The following TCF25 variants were observed in gnomAD, a reference collection of about 807,000 sequenced individuals.
The protein encoded by TCF25 is ribosome quality control complex subunit TCF25.
A neutral mutation model predicts 83.1 loss-of-function variants in TCF25; 41 were observed. That is an observed-to-expected ratio of 0.49 (90% CI 0.38 to 0.64). The LOEUF (loss-of-function observed/expected upper bound fraction) is 0.64. Ranked by LOEUF, TCF25 falls within the 30% of genes least tolerant of loss-of-function variation. The pLI is 0.00. For synonymous variants in TCF25, 458 were observed against 365.0 expected (o/e 1.25, Z -2.90); for missense variants, 979 against 914.5 (o/e 1.07, Z -0.91).
intron 2 of TCF25, chr16:89,883,816 G>A (rs980150597): frequency 1.7e-5 from 5 of 292,562 alleles, no homozygotes; most frequent in African/African-American, 9.2e-5. Context: ...GACCGCGCAC[G>A]TGTGTGCCTC....
At position 89,883,558 on chromosome 16, in the gene TCF25, C is replaced by T. The variant is rs1301218540; in HGVS notation, c.354+46C>T. 1.3e-6 allele frequency: 2 copies of T among 1,542,142 alleles called. 1 individual carries two copies. On this transcript the variant is annotated intron_variant, in intron 2 of 17. Transcript: ENST00000263346. ...GAGGTGGCATCAGACGGGAGAGTTC[C>T]AAGGCACCCAGCCACGTGTATCCTG...
chr16:89,888,676 TTTC>T (rs1344841515), intron 5 of TCF25, among the ~76,000 whole-genome samples: 1 of 147,186 alleles, frequency 6.8e-6, no homozygotes, highest in African/African-American at 2.5e-5. Context: ...TCTCTCTTTC[TTTC>T]TTTTTTTTTT....
At position 89,906,208 on chromosome 16, in the gene TCF25, A is replaced by T. The variant is rs1408370868; in HGVS notation, c.1643A>T (p.Tyr548Phe). ...CCCGGCCCTAGGCGGAAGGTGCTCT[A>T]CCAGCGTGCACCCAGGAATATCCAC... The part of the protein sequence containing the change: ...EACENRRKVL[Y>F]QRAPRNIHRH... The change falls in exon 15 of 18, where the codon TAC becomes TTC. Residue 548 changes from tyrosine to phenylalanine, a missense_variant. Coordinates refer to ENST00000263346, the MANE Select transcript of TCF25 (RefSeq NM_014972.3). 5 of 1,613,254 alleles carry T rather than the reference A, an allele frequency of 3.1e-6. No homozygotes were observed. The East Asian group carries it at 6.7e-5, about 22-fold the overall frequency.
chr16:89,881,250 G>A (rs924031224), intron 1 of TCF25, among the ~76,000 whole-genome samples: 1 of 152,142 alleles, frequency 6.6e-6, no homozygotes, highest in African/African-American at 2.4e-5. Context: ...AGGTGCAGCC[G>A]AGTCTCAATT....
rs551096154 is a variant in TCF25, at chr16:89,900,630, C to T, written c.1222-5C>T. On this transcript the variant is annotated splice_region_variant and splice_polypyrimidine_tract_variant and intron_variant, in intron 11 of 17. Coordinates refer to ENST00000263346, the MANE Select transcript of TCF25 (RefSeq NM_014972.3). ...CTCCACGCTCTGTTTCTTCGTCCCT[C>T]GTAGGCTCATCGGAACCTGTCCCAG... 8 of 1,585,074 alleles carry T rather than the reference C, an allele frequency of 5.0e-6. No individual in the cohort carries two copies. The highest frequency in any genetic ancestry group is 4.5e-5 in the East Asian group (2 of 44,062).
chr16:89,891,060 G>C (rs1443223528), intron 5 of TCF25, among the ~76,000 whole-genome samples: 1 of 152,084 alleles, frequency 6.6e-6, no homozygotes, highest in African/African-American at 2.4e-5. Context: ...TACTACGACA[G>C]CCCGGTCAGC....
In TCF25 at chr16:89,906,269, C is replaced by T. The variant is rs779188432; in HGVS notation, c.1704C>T (p.Val568=). The change falls in exon 15 of 18, where the codon GTC becomes GTT. Residue 568 remains valine, a synonymous_variant. Transcript: ENST00000263346. ...HVILSEIKEA[V]AALPPDVTTQ... ...TCCTCTCTGAGATCAAGGAAGCCGTCGCTGCCCTGCCCCCGGTAAGGGAGA... is the reference window on the plus strand; with the variant it reads ...TCCTCTCTGAGATCAAGGAAGCCGTTGCTGCCCTGCCCCCGGTAAGGGAGA... The T allele has an allele frequency of 6.2e-6, 10 of 1,613,048 alleles. No individual in the cohort carries two copies. Among genetic ancestry groups the T allele is most frequent in the South Asian group, 1.1e-5 (1 of 91,032 alleles).
At chr16:89,897,638 G>A (rs747888542) in intron 9 of TCF25, among the ~76,000 whole-genome samples, 1 of 152,188 alleles carries the variant, frequency 6.6e-6, no homozygotes, top group Non-Finnish European at 1.5e-5. Flanking sequence ...TTCCCGACGC[G>A]AAAGAGACAG....
At chr16:89,898,095 C>T (rs1316272069) in intron 9 of TCF25, among the ~76,000 whole-genome samples, 2 of 149,836 alleles carry the variant, frequency 1.3e-5, no homozygotes, top group Non-Finnish European at 3.0e-5. Context: ...GGTGACAGAG[C>T]GAGACTCCGT....
rs1476086351 is a variant in TCF25, at chr16:89,873,641, C to T, written c.-27C>T. On this transcript the variant is annotated 5_prime_UTR_variant, in exon 1 of 18. Coordinates refer to ENST00000263346, the MANE Select transcript of TCF25 (RefSeq NM_014972.3). The stretch of plus-strand genomic sequence containing the variant: ...GTTTTCTGCGCTTCCTTCTCCCTCT[C>T]TCCAGACGTCGTGGTCGTTCGGTCC... The T allele has an allele frequency of 6.5e-6, 10 of 1,538,904 alleles. No individual in the cohort carries two copies. Among genetic ancestry groups the T allele is most frequent in the East Asian group, 2.5e-5 (1 of 40,330 alleles).
chr16:89,894,788 GCACA>G, intron 7 of TCF25, among the ~76,000 whole-genome samples: 1 of 152,126 alleles, frequency 6.6e-6, no homozygotes, highest in Non-Finnish European at 1.5e-5. Context: ...GGAATTACAG[GCACA>G]CGCCACCACA....
At chr16:89,877,754 A>C (rs781258052) in intron 1 of TCF25, among the ~76,000 whole-genome samples, 2 of 152,172 alleles carry the variant, frequency 1.3e-5, no homozygotes, top group African/African-American at 4.8e-5. Context: ...TGATGGAGGG[A>C]AAAAGGGAAG....
At chr16:89,885,794 A>G in intron 3 of TCF25, 54 bp from the exon 4 acceptor site, 1 of 1,395,678 alleles carries the variant, frequency 7.2e-7, no homozygotes, top group South Asian at 1.2e-5. Flanking sequence ...TTATTGTTAC[A>G]ATATTTAAAA....
chr16:89,884,566 G>A lies in TCF25; in HGVS notation c.355-16G>A, dbSNP rs751508445. On this transcript the variant is annotated splice_polypyrimidine_tract_variant and intron_variant, in intron 2 of 17. Transcript: ENST00000263346. ...TACTTCTCATTCTACTGATGAAAAT[G>A]TGTTTCTATCATTAGTCTCATGCAA... The A allele has an allele frequency of 3.1e-6, 5 of 1,611,402 alleles. No individual in the cohort carries two copies. The highest frequency in any genetic ancestry group is 2.2e-5 in the South Asian group (2 of 90,956).
At chr16:89,902,559 G>T (rs1042128234) in intron 12 of TCF25, among the ~76,000 whole-genome samples, 1 of 148,040 alleles carries the variant, frequency 6.8e-6, no homozygotes, top group Admixed American at 6.7e-5. Flanking sequence ...CGTGTTGGCC[G>T]GCACCTGTAG....
chr16:89,911,133 G>A lies in TCF25; in HGVS notation c.1926G>A (p.Leu642=), dbSNP rs1397687983. 1.9e-6 allele frequency: 3 copies of A among 1,611,844 alleles called. No individual in the cohort carries two copies. The highest frequency in any genetic ancestry group is 1.3e-5 in the African/African-American group (1 of 74,910). Residue 642 remains leucine (L), a synonymous_variant, in exon 18 of 18, where the codon CTG becomes CTA. Coordinates refer to ENST00000263346, the MANE Select transcript of TCF25 (RefSeq NM_014972.3). ...GGGGTCTGAACCGCAACCAGGGCCT[G>A]AACAGGCTGATGCTGGCTGTGCGCG... ...VAGGLNRNQG[L]NRLMLAVRDM...
chr16:89,888,831 G>A (rs1192214769), intron 5 of TCF25, among the ~76,000 whole-genome samples: 5 of 145,664 alleles, frequency 3.4e-5, no homozygotes, highest in Non-Finnish European at 7.5e-5. Flanking sequence ...ACGCCACCAC[G>A]CCCAGCTAAT....
chr16:89,889,116 TG>T (rs1446575341), intron 5 of TCF25: 2 of 288,788 alleles, frequency 6.9e-6, no homozygotes, highest in Admixed American at 9.8e-5. Context: ...GGGGGGTGTC[TG>T]CTTCTGGGAC....
At chr16:89,904,404 T>C in intron 13 of TCF25, 199 bp downstream of exon 13, 1 of 621,952 alleles carries the variant, frequency 1.6e-6, no homozygotes, top group Non-Finnish European at 2.8e-6. Flanking sequence ...GTGGGACAGC[T>C]GAGCAGCCTC....
Sources: allele counts gnomAD v4.1 joint callset (sites outside exome capture counted in the v4.1 genomes callset), GRCh38; gene constraint gnomAD v4.1.1; transcripts MANE v1.5; gene names NCBI Gene and HGNC (gene_info 2026-07-23, HGNC 2026-07-21).